Variants in CCBE1 observed in about 807,000 individuals in gnomAD.
CCBE1 encodes collagen and calcium binding EGF domains 1, also known as collagen and calcium-binding EGF domain-containing protein 1.
A neutral mutation model predicts 50.0 loss-of-function variants in CCBE1; 37 were observed. The ratio of observed to expected loss-of-function variants is 0.74; its 90% CI spans 0.57 to 0.97. CCBE1 has a LOEUF of 0.97. Among genes scored for constraint, CCBE1 ranks in the 50% least tolerant of loss-of-function variants. The pLI is 0.00. For missense variants in CCBE1, 538 were observed against 523.8 expected (o/e 1.03, Z -0.26); for synonymous variants, 234 against 203.7 (o/e 1.15, Z -1.27).
chr18:59,549,890 T>C (rs571417778), intron 2 of CCBE1, among the ~76,000 whole-genome samples: 1 of 152,252 alleles, frequency 6.6e-6, no homozygotes, highest in Admixed American at 6.5e-5. Context: ...CCCATTATCC[T>C]CCCCATCATG....
At chr18:59,549,028 G>T (rs1040332277) in intron 2 of CCBE1, among the ~76,000 whole-genome samples, 2 of 150,024 alleles carry the variant, frequency 1.3e-5, no homozygotes, top group Admixed American at 1.3e-4. Flanking sequence ...ACTTGAACCT[G>T]GGAGGCAGAG....
intron 2 of CCBE1, among the ~76,000 whole-genome samples, chr18:59,591,040 C>G (rs1356046975): frequency 2.9e-5 from 1 of 34,434 alleles, no homozygotes; most frequent in Non-Finnish European, 4.7e-5. Flanking sequence ...GTCAGGAGAT[C>G]GAGACCATCC....
chr18:59,504,181 T>C (rs1226532587), intron 2 of CCBE1, among the ~76,000 whole-genome samples: 1 of 152,210 alleles, frequency 6.6e-6, no homozygotes, highest in African/African-American at 2.4e-5. Flanking sequence ...GTGTAAGTCA[T>C]CTCATCTTCA....
At chr18:59,663,630 G>T (rs1301871656) in intron 2 of CCBE1, among the ~76,000 whole-genome samples, 1 of 151,916 alleles carries the variant, frequency 6.6e-6, no homozygotes, top group Non-Finnish European at 1.5e-5. Context: ...GTACGTTTGG[G>T]GGACTGTCTC....
chr18:59,501,176 A>G (rs1174824267), intron 2 of CCBE1, among the ~76,000 whole-genome samples: 4 of 152,248 alleles, frequency 2.6e-5, no homozygotes, highest in African/African-American at 9.6e-5. Flanking sequence ...TGCCATCCTT[A>G]GCAGAGCCCA....
chr18:59,643,184 A>G lies in CCBE1; in HGVS notation c.212+53445T>C, dbSNP rs991183782. ...CCATTAGACACAAATACATTTTCCAATTGCACGTTTCATGTTATTTATCCC... is the reference window on the plus strand; with the variant it reads ...CCATTAGACACAAATACATTTTCCAGTTGCACGTTTCATGTTATTTATCCC... On this transcript the variant is annotated intron_variant, in intron 2 of 10. Transcript: ENST00000439986. Among the ~76,000 whole-genome samples, 4 of 151,956 alleles carry G rather than the reference A, an allele frequency of 2.6e-5. No individual in the cohort carries two copies. In the South Asian group the frequency reaches 6.2e-4, roughly 24 times the overall value.
rs554965304 is a variant in CCBE1, at chr18:59,595,905, G to A, written c.212+100724C>T. 2.0e-5 allele frequency among the ~76,000 whole-genome samples: 3 copies of A among 152,316 alleles called. No individual in the cohort carries two copies. The South Asian group carries it at 6.2e-4, about 32-fold the overall frequency. Reference sequence around the variant, plus strand: ...CCAAGGACTTTGCTACCTCCAAGAAGTGACTGAAAAGCAAAGTATGGGTGA... The same window carrying A: ...CCAAGGACTTTGCTACCTCCAAGAAATGACTGAAAAGCAAAGTATGGGTGA... On this transcript the variant is annotated intron_variant, in intron 2 of 10. Coordinates refer to ENST00000439986, the MANE Select transcript of CCBE1 (RefSeq NM_133459.4).
chr18:59,601,403 C>G (rs2053432108), intron 2 of CCBE1, among the ~76,000 whole-genome samples: 1 of 152,048 alleles, frequency 6.6e-6, no homozygotes, highest in Non-Finnish European at 1.5e-5. Flanking sequence ...AAGGGCAGTT[C>G]CCCTGCACAC....
chr18:59,472,118 C>A (rs1364301763), intron 3 of CCBE1, among the ~76,000 whole-genome samples: 1 of 152,250 alleles, frequency 6.6e-6, no homozygotes, highest in Non-Finnish European at 1.5e-5. Context: ...GTAGCCCCTC[C>A]TCAAAGGTCT....
intron 2 of CCBE1, among the ~76,000 whole-genome samples, chr18:59,507,015 G>A (rs756593568): frequency 2.6e-4 from 39 of 151,982 alleles, no homozygotes; most frequent in Non-Finnish European, 4.6e-4. Context: ...CCTTCATGGT[G>A]GCATTTACTG....
chr18:59,652,209 G>T (rs1183191366), intron 2 of CCBE1, among the ~76,000 whole-genome samples: 1 of 151,812 alleles, frequency 6.6e-6, no homozygotes, highest in Non-Finnish European at 1.5e-5. Context: ...TTTGATGGCT[G>T]AATAGTATTC....
chr18:59,518,643 C>G (rs113984658), intron 2 of CCBE1, among the ~76,000 whole-genome samples: 1 of 152,112 alleles, frequency 6.6e-6, no homozygotes, highest in Non-Finnish European at 1.5e-5. Flanking sequence ...ACATGCGACA[C>G]GTGGATGAAG....
At chr18:59,654,936 A>C (rs963650832) in intron 2 of CCBE1, among the ~76,000 whole-genome samples, 1 of 151,684 alleles carries the variant, frequency 6.6e-6, no homozygotes, top group African/African-American at 2.4e-5. Context: ...AAATGCAAAA[A>C]GTTAGCCAGG....
chr18:59,473,341 G>A (rs983856084), intron 3 of CCBE1, among the ~76,000 whole-genome samples: 1 of 152,152 alleles, frequency 6.6e-6, no homozygotes, highest in Non-Finnish European at 1.5e-5. Context: ...AGTCCTGTGA[G>A]ATTCAAACTC....
At chr18:59,551,034 A>AAAAAAG (rs1915908507) in intron 2 of CCBE1, among the ~76,000 whole-genome samples, 1 of 144,782 alleles carries the variant, frequency 6.9e-6, no homozygotes, top group African/African-American at 2.6e-5. Flanking sequence ...AAAAAAGAAA[A>AAAAAAG]GAAAAGAAAA....
At chr18:59,608,739 C>A (rs1329860876) in intron 2 of CCBE1, among the ~76,000 whole-genome samples, 1 of 152,184 alleles carries the variant, frequency 6.6e-6, no homozygotes, top group Non-Finnish European at 1.5e-5. Flanking sequence ...TTCTCTTCTA[C>A]ACGGAGTCTT....
intron 2 of CCBE1, among the ~76,000 whole-genome samples, chr18:59,507,554 CTG>C (rs936568252): frequency 6.6e-6 from 1 of 152,222 alleles, no homozygotes; most frequent in African/African-American, 2.4e-5. Context: ...GCTTCTGACT[CTG>C]TACTTGTCCA....
chr18:59,496,203 G>C (rs890992304), intron 2 of CCBE1, among the ~76,000 whole-genome samples: 1 of 152,178 alleles, frequency 6.6e-6, no homozygotes, highest in Non-Finnish European at 1.5e-5. Flanking sequence ...GGTTACAGGA[G>C]GCTATACAGA....
chr18:59,564,850 A>G (rs749058278), intron 2 of CCBE1, among the ~76,000 whole-genome samples: 1 of 152,274 alleles, frequency 6.6e-6, no homozygotes, highest in African/African-American at 2.4e-5. Context: ...CCATGGTGGT[A>G]GAAGTAGAAC....
Sources: allele counts gnomAD v4.1 joint callset (sites outside exome capture counted in the v4.1 genomes callset), GRCh38; gene constraint gnomAD v4.1.1; transcripts MANE v1.5; gene names NCBI Gene and HGNC (gene_info 2026-07-23, HGNC 2026-07-21).